FBXW7: variants seen among roughly 807,000 people sequenced by gnomAD.
The protein encoded by FBXW7 is F-box/WD repeat-containing protein 7.
FBXW7 carries 11 observed loss-of-function variants against 86.3 expected under a neutral mutation model. The observed-to-expected ratio is 0.13, with a 90% CI of 0.08 to 0.21. FBXW7 has a LOEUF of 0.21. Among genes scored for constraint, FBXW7 ranks in the 10% least tolerant of loss-of-function variants. The pLI is 1.00. For missense variants in FBXW7, 488 were observed against 847.4 expected (o/e 0.58, Z 5.27); for synonymous variants, 313 against 297.9 (o/e 1.05, Z -0.52).
chr4:152,361,083 G>C (rs1388974141), intron 4 of FBXW7, among the ~76,000 whole-genome samples: 1 of 151,944 alleles, frequency 6.6e-6, no homozygotes, highest in Non-Finnish European at 1.5e-5. Context: ...TATTTATTGA[G>C]TACCTATTTT....
chr4:152,360,830 A>G (rs1296638319), intron 4 of FBXW7, among the ~76,000 whole-genome samples: 1 of 147,636 alleles, frequency 6.8e-6, no homozygotes. Flanking sequence ...ATATTAAAAT[A>G]TATTAAATAT....
chr4:152,509,582 TA>T (rs1044463567), intron 2 of FBXW7, among the ~76,000 whole-genome samples: 3 of 151,388 alleles, frequency 2.0e-5, no homozygotes, highest in South Asian at 2.1e-4. Context: ...CTTCCTGCTT[TA>T]AAAAAAAATG....
chr4:152,436,504 C>T (rs1740399759), intron 2 of FBXW7, among the ~76,000 whole-genome samples: 1 of 152,230 alleles, frequency 6.6e-6, no homozygotes, highest in Admixed American at 6.5e-5. Context: ...CCTAAAAGGT[C>T]TAGCTAACTA....
intron 4 of FBXW7, among the ~76,000 whole-genome samples, chr4:152,378,293 T>C (rs1039452264): frequency 6.6e-6 from 1 of 152,252 alleles, no homozygotes; most frequent in African/African-American, 2.4e-5. Flanking sequence ...GAATTTGATA[T>C]AGAATATAAT....
intron 10 of FBXW7, chr4:152,328,729 G>T (rs941128478): frequency 6.1e-6 from 1 of 164,366 alleles, no homozygotes; most frequent in African/African-American, 2.4e-5. Flanking sequence ...TTGCAACTGG[G>T]TTTCTTCCAT....
rs1012817454 is a variant in FBXW7 at position 152,494,382 on chromosome 4, T to C, written c.-120+40559A>G. 8.5e-5 allele frequency among the ~76,000 whole-genome samples: 13 copies of C among 152,278 alleles called. No individual in the cohort carries two copies. The East Asian group carries it at 1.9e-3, about 23-fold the overall frequency. ...GGAGAACAGATGATTGAAACAGTCA[T>C]GGTAAAGATGAGGAAACTAGCTGAC... is the stretch of plus-strand genomic sequence containing the variant. On this transcript the variant is annotated intron_variant, in intron 2 of 13. Coordinates refer to ENST00000281708, the MANE Select transcript of FBXW7 (RefSeq NM_001349798.2).
chr4:152,478,170 C>A (rs988472301), intron 2 of FBXW7, among the ~76,000 whole-genome samples: 2 of 152,076 alleles, frequency 1.3e-5, no homozygotes, highest in African/African-American at 4.8e-5. Flanking sequence ...CACCACTATT[C>A]ATTTCCAGAA....
At chr4:152,333,292 T>C (rs144480493) in intron 7 of FBXW7, among the ~76,000 whole-genome samples, 1 of 152,234 alleles carries the variant, frequency 6.6e-6, no homozygotes, top group East Asian at 1.9e-4. Flanking sequence ...CATAGACATA[T>C]AAAAGTAATT....
chr4:152,422,046 C>T (rs1738997745), intron 2 of FBXW7, among the ~76,000 whole-genome samples: 1 of 151,874 alleles, frequency 6.6e-6, no homozygotes, highest in South Asian at 2.1e-4. Flanking sequence ...CACCAAGAGA[C>T]TTGCTCAACA....
chr4:152,382,237 T>C (rs956634561), intron 4 of FBXW7: 1 of 1,598,632 alleles, frequency 6.3e-7, no homozygotes, highest in South Asian at 1.1e-5. Context: ...TAATGCTAAA[T>C]ATCTTCATCA....
At chr4:152,353,196 C>G (rs1423986293) in intron 4 of FBXW7, among the ~76,000 whole-genome samples, 1 of 152,162 alleles carries the variant, frequency 6.6e-6, no homozygotes, top group African/African-American at 2.4e-5. Flanking sequence ...GCTATTTTCA[C>G]TGTCATCCTA....
intron 2 of FBXW7, among the ~76,000 whole-genome samples, chr4:152,416,255 G>C (rs775122876): frequency 6.6e-6 from 1 of 152,058 alleles, no homozygotes. Context: ...AAAGAACTTC[G>C]AGCCAGGTCA....
At chr4:152,499,604 T>C (rs1372842445) in intron 2 of FBXW7, among the ~76,000 whole-genome samples, 2 of 152,140 alleles carry the variant, frequency 1.3e-5, no homozygotes, top group African/African-American at 4.8e-5. Context: ...AATCTCTCGG[T>C]GATATCCCCC....
At position 152,322,377 on chromosome 4, in the gene FBXW7, GTAAT is replaced by G; in HGVS notation, c.*500_*503del. On this transcript the variant is annotated 3_prime_UTR_variant, in exon 14 of 14. Transcript: ENST00000281708. ...GATAACTGTACAAAAACAATTCACAGTAATTTTTTTAAGCTTTTCCACTCCAGAA... is the reference window on the plus strand; with the variant it reads ...GATAACTGTACAAAAACAATTCACAGTTTTTTAAGCTTTTCCACTCCAGAA... The G allele has an allele frequency of 4.5e-6, 1 of 224,452 alleles. No individual in the cohort carries two copies. The highest frequency in any genetic ancestry group is 8.8e-6 in the Non-Finnish European group (1 of 113,892). 13.9% of individuals were successfully genotyped at this position (224,452 alleles called of 1,614,324 possible). A position where few individuals can be genotyped will look rare whatever the true frequency, so the allele number is the denominator to read the frequency against.
At chr4:152,513,645 G>A (rs1480047249) in intron 2 of FBXW7, among the ~76,000 whole-genome samples, 1 of 152,176 alleles carries the variant, frequency 6.6e-6, no homozygotes, top group African/African-American at 2.4e-5. Flanking sequence ...AGGAAGTGAG[G>A]ACAATTTGTT....
At chr4:152,336,060 T>C (rs1730060037) in intron 7 of FBXW7, among the ~76,000 whole-genome samples, 1 of 152,182 alleles carries the variant, frequency 6.6e-6, no homozygotes, top group South Asian at 2.1e-4. Flanking sequence ...TAATACTTTG[T>C]TTCTGAGAAG....
rs117052949 is a variant in FBXW7, at chr4:152,473,433, A to G, written c.-119-60904T>C. Among the ~76,000 whole-genome samples, 122 of 152,348 alleles carry G rather than the reference A, an allele frequency of 8.0e-4. 1 individual carries two copies. In the East Asian group the frequency reaches 0.023, roughly 29 times the overall value. ...AGCAAAGTACTCGGCCCTGTTGCTT[A>G]GAAAATCTTACATTTTTTAAAGCAG... On this transcript the variant is annotated intron_variant, in intron 2 of 13. Transcript: ENST00000281708.
At chr4:152,440,842 C>G (rs747417260) in intron 2 of FBXW7, among the ~76,000 whole-genome samples, 8 of 152,100 alleles carry the variant, frequency 5.3e-5, no homozygotes, top group Non-Finnish European at 1.2e-4. Flanking sequence ...CCTGACTGTT[C>G]ACACCACTTT....
chr4:152,476,871 G>A (rs969303860), intron 2 of FBXW7, among the ~76,000 whole-genome samples: 2 of 152,096 alleles, frequency 1.3e-5, no homozygotes, highest in African/African-American at 2.4e-5. Context: ...ATAGTGTTGG[G>A]AGACAAAGAC....
Sources: gnomAD v4.1 joint callset for allele counts (sites outside exome capture counted in the v4.1 genomes callset) on GRCh38, gnomAD v4.1.1 for gene constraint, MANE v1.5 for transcripts, NCBI Gene and HGNC (gene_info 2026-07-23, HGNC 2026-07-21) for gene names.